Variants in KAZN observed in about 807,000 individuals in gnomAD.
KAZN encodes kazrin.
Under a neutral mutation model 87.4 loss-of-function variants are expected in KAZN, and 40 were observed. The ratio of observed to expected loss-of-function variants is 0.46; its 90% confidence interval spans 0.36 to 0.60. The LOEUF is 0.60. Among genes scored for constraint, KAZN ranks in the 20% least tolerant of loss-of-function variants. KAZN has a pLI of 0.00. For missense variants in KAZN, 898 were observed against 1,073.9 expected, an observed-to-expected ratio of 0.84 and a Z score of 2.29; for synonymous variants, 466 against 458.3, an observed-to-expected ratio of 1.02 and a Z score of -0.22.
At chr1:14,535,395 G>T (rs1485212960) in intron 2 of KAZN, among the ~76,000 whole-genome samples, 1 of 152,220 alleles carries the variant, frequency 6.6e-6, no homozygotes, top group Admixed American at 6.5e-5. Flanking sequence ...GGCTGGGTGT[G>T]GTGGGCTCAC....
chr1:14,997,327 A>AGGAG (rs994430567), intron 2 of KAZN, among the ~76,000 whole-genome samples: 2 of 149,050 alleles, frequency 1.3e-5, no homozygotes, highest in Admixed American at 1.3e-4. Context: ...CAAAACCTCC[A>AGGAG]CCTCCCGGGT....
At chr1:14,137,059 G>A (rs1033598837) in intron 1 of KAZN, among the ~76,000 whole-genome samples, 24 of 152,300 alleles carry the variant, frequency 1.6e-4, no homozygotes, top group African/African-American at 5.3e-4. Context: ...TGAGGCAGGA[G>A]CTAACATGCC....
chr1:14,247,946 G>A (rs1649666236), intron 2 of KAZN, among the ~76,000 whole-genome samples: 2 of 152,172 alleles, frequency 1.3e-5, no homozygotes, highest in Admixed American at 1.3e-4. Flanking sequence ...TACTGAGCCT[G>A]CTGACAAAAT....
chr1:14,975,948 C>T (rs903999330), intron 2 of KAZN, among the ~76,000 whole-genome samples: 4 of 149,238 alleles, frequency 2.7e-5, no homozygotes, highest in Admixed American at 6.7e-5. Context: ...AGGAGAAAGG[C>T]GCGAACCCGG....
At chr1:13,958,819 A>G (rs1369805744) in intron 1 of KAZN, among the ~76,000 whole-genome samples, 1 of 152,002 alleles carries the variant, frequency 6.6e-6, no homozygotes, top group Non-Finnish European at 1.5e-5. Context: ...ATGTGGCTGG[A>G]GCCAAGGCGG....
At chr1:14,071,656 A>C (rs12740636) in intron 1 of KAZN, among the ~76,000 whole-genome samples, 18,079 of 152,194 alleles carry the variant, frequency 0.12, 1,190 homozygotes, top group Admixed American at 0.13. Flanking sequence ...CAGCAGGTAC[A>C]GGTGTGTCGC....
chr1:13,931,876 T>G (rs1186431199), intron 1 of KAZN, among the ~76,000 whole-genome samples: 2 of 151,892 alleles, frequency 1.3e-5, no homozygotes, highest in East Asian at 1.9e-4. Context: ...CTCGCTCTAT[T>G]GCCCAGGCTG....
chr1:14,310,882 C>T (rs1205435528), intron 2 of KAZN, among the ~76,000 whole-genome samples: 2 of 152,164 alleles, frequency 1.3e-5, no homozygotes, highest in Admixed American at 6.5e-5. Flanking sequence ...GGCAGTGAAG[C>T]CAACTATTTT....
intron 1 of KAZN, among the ~76,000 whole-genome samples, chr1:13,972,233 T>A (rs913948178): frequency 2.0e-5 from 3 of 151,496 alleles, no homozygotes; most frequent in Admixed American, 6.6e-5. Flanking sequence ...CTAATGAACA[T>A]CCATGTGTAA....
intron 2 of KAZN, among the ~76,000 whole-genome samples, chr1:14,403,133 A>G (rs1663557401): frequency 6.6e-6 from 1 of 152,228 alleles, no homozygotes; most frequent in Admixed American, 6.5e-5. Context: ...ACCTGCATAT[A>G]GAAACTTAAT....
chr1:14,460,200 C>T (rs1322093554), intron 2 of KAZN, among the ~76,000 whole-genome samples: 1 of 152,318 alleles, frequency 6.6e-6, no homozygotes, highest in Non-Finnish European at 1.5e-5. Context: ...CCACAAGACA[C>T]CATCTGGCCA....
chr1:14,866,125 T>C (rs2803398), intron 1 of KAZN, among the ~76,000 whole-genome samples: 103,688 of 152,028 alleles, frequency 0.68, 37,023 homozygotes, highest in East Asian at 0.97. Context: ...TCTCTCCCAA[T>C]TCCATGCCCT....
At chr1:14,512,536 A>G (rs1363745197) in intron 2 of KAZN, among the ~76,000 whole-genome samples, 1 of 130,316 alleles carries the variant, frequency 7.7e-6, no homozygotes, top group East Asian at 2.6e-4. Flanking sequence ...TAGATTCAGG[A>G]CATTAGCCTA....
chr1:14,368,845 G>C (rs1028844207), intron 2 of KAZN, among the ~76,000 whole-genome samples: 1 of 152,186 alleles, frequency 6.6e-6, no homozygotes, highest in Admixed American at 6.5e-5. Context: ...GGGATGGCCA[G>C]GTAGAGAGGT....
In KAZN at chr1:15,065,744, C is replaced by G. The variant is rs1639176444; in HGVS notation, c.1213C>G (p.Leu405Val). 3 of 1,614,268 alleles carry G rather than the reference C, an allele frequency of 1.9e-6. No homozygotes were observed. Among genetic ancestry groups the G allele is most frequent in the Non-Finnish European group, 2.5e-6 (3 of 1,180,034 alleles). Residue 405 changes from leucine to valine, a missense_variant, in exon 8 of 15, where the codon CTC becomes GTC. This residue lies in a region of KAZN where 521 missense variants were observed against 689.4 expected (regional missense o/e 0.76). Transcript: ENST00000376030. ...GCAGCGGAAGTCCCTCGACCCCGGC[C>G]TCTTTGATGGTACCGCCCCTGATTA... ...GKQRKSLDPG[L>V]FDDSDSQCSP...
chr1:14,670,039 C>A (rs997304632), intron 1 of KAZN, among the ~76,000 whole-genome samples: 2 of 152,080 alleles, frequency 1.3e-5, no homozygotes. Context: ...ACTGGTGGCC[C>A]CTAGCTGATC....
At chr1:14,789,990 T>C (rs1645625790) in intron 1 of KAZN, among the ~76,000 whole-genome samples, 1 of 151,782 alleles carries the variant, frequency 6.6e-6, no homozygotes, top group South Asian at 2.1e-4. Flanking sequence ...ATTCCTTGAA[T>C]TTCTTTTTTT....
At chr1:14,104,194 G>A (rs1644320601) in intron 1 of KAZN, among the ~76,000 whole-genome samples, 1 of 152,196 alleles carries the variant, frequency 6.6e-6, no homozygotes, top group South Asian at 2.1e-4. Context: ...TCATTGCAGA[G>A]CTGGTGCCAG....
At chr1:15,014,673 G>A (rs1669902064) in intron 2 of KAZN, among the ~76,000 whole-genome samples, 1 of 152,170 alleles carries the variant, frequency 6.6e-6, no homozygotes, top group Admixed American at 6.5e-5. Flanking sequence ...CTCCCGGGAA[G>A]AATCTTGGCA....
Sources: allele counts gnomAD v4.1 joint callset (sites outside exome capture counted in the v4.1 genomes callset), GRCh38; gene constraint gnomAD v4.1.1; regional missense constraint gnomAD v4.1.1; transcripts MANE v1.5; gene names NCBI Gene and HGNC (gene_info 2026-07-23, HGNC 2026-07-21).